DNAH5: variants seen among roughly 807,000 people sequenced by gnomAD.
DNAH5 encodes the protein dynein axonemal heavy chain 5, also known as axonemal beta dynein heavy chain 5.
DNAH5 carries 372 observed loss-of-function variants against 518.2 expected under a neutral mutation model. That is an observed-to-expected ratio of 0.72 (90% CI 0.66 to 0.78). The LOEUF (loss-of-function observed/expected upper bound fraction) is 0.78, where lower values mean the gene tolerates loss of function less well. DNAH5 is among the 30% of genes least tolerant of loss of function. The probability of loss-of-function intolerance (pLI) is 0.00; values close to 1 mark genes in which losing one functional copy is unlikely to be tolerated. For synonymous variants in DNAH5, 2,039 were observed against 2,025.9 expected (o/e 1.01, Z -0.17); for missense variants, 5,523 against 5,687.0 (o/e 0.97, Z 0.93).
chr5:13,754,781 G>T (rs370713121), intron 61 of DNAH5, among the ~76,000 whole-genome samples: 4 of 151,990 alleles, frequency 2.6e-5, no homozygotes, highest in African/African-American at 7.2e-5. Context: ...CAGGTGATCC[G>T]CCAACCTAAG....
chr5:13,915,396 G>A (rs1426679757), intron 9 of DNAH5, among the ~76,000 whole-genome samples: 2 of 152,010 alleles, frequency 1.3e-5, no homozygotes, highest in Admixed American at 1.3e-4. Flanking sequence ...TAGATAAATG[G>A]TGGTTTCATT....
chr5:13,998,268 G>C (rs929983384), intron 1 of DNAH5, among the ~76,000 whole-genome samples: 2 of 152,124 alleles, frequency 1.3e-5, no homozygotes, highest in African/African-American at 4.8e-5. Context: ...ATAGTGGAAG[G>C]GCTGATGGGA....
chr5:13,833,600 G>A (rs16902796), intron 35 of DNAH5, among the ~76,000 whole-genome samples: 22,260 of 152,124 alleles, frequency 0.15, 1,709 homozygotes, highest in Admixed American at 0.19. Context: ...AATGAGGGAG[G>A]TTAGGTGTCT....
At chr5:13,760,687 G>C (rs996117044) in intron 60 of DNAH5, among the ~76,000 whole-genome samples, 2 of 152,176 alleles carry the variant, frequency 1.3e-5, no homozygotes, top group Admixed American at 6.5e-5. Context: ...ATTGCAAGAT[G>C]AAAGATAACA....
At chr5:13,984,534 T>C (rs1341703480) in intron 1 of DNAH5, among the ~76,000 whole-genome samples, 1 of 152,228 alleles carries the variant, frequency 6.6e-6, no homozygotes, top group Admixed American at 6.5e-5. Context: ...TTCTCCTGCC[T>C]GATTGCCCTG....
chr5:13,842,367 C>T (rs900806368), intron 32 of DNAH5, among the ~76,000 whole-genome samples: 4 of 144,966 alleles, frequency 2.8e-5, no homozygotes, highest in Admixed American at 2.1e-4. Flanking sequence ...GCAACAAGAG[C>T]GAGACTCCGT....
intron 42 of DNAH5, among the ~76,000 whole-genome samples, chr5:13,816,218 G>C (rs1761427452): frequency 6.6e-6 from 1 of 152,208 alleles, no homozygotes; most frequent in African/African-American, 2.4e-5. Context: ...CTTGACAGCA[G>C]TCATACGAGG....
At position 13,886,433 on chromosome 5, in the gene DNAH5, A is replaced by G. The variant is rs543500168; in HGVS notation, c.2578-304T>C. The stretch of plus-strand genomic sequence containing the variant: ...TCTCTACTCGTCACATTTCCTTCAT[A>G]TCACATAAATCGGATCCAGCCACCC... On this transcript the variant is annotated intron_variant, in intron 17 of 78. Transcript: ENST00000265104. Among the ~76,000 whole-genome samples, 5 of 152,330 alleles carry G rather than the reference A, an allele frequency of 3.3e-5. No individual in the cohort carries two copies. The South Asian group carries it at 8.3e-4, about 25-fold the overall frequency.
At chr5:13,722,630 A>T (rs1467920785) in intron 70 of DNAH5, among the ~76,000 whole-genome samples, 1 of 152,216 alleles carries the variant, frequency 6.6e-6, no homozygotes, top group Non-Finnish European at 1.5e-5. Context: ...CCAGGTAAAG[A>T]GTGTCTGAAA....
intron 12 of DNAH5, among the ~76,000 whole-genome samples, chr5:13,902,423 G>A (rs1561538578): frequency 6.6e-6 from 1 of 152,196 alleles, no homozygotes; most frequent in Non-Finnish European, 1.5e-5. Context: ...AATATGGGGA[G>A]ATGGGCTATG....
chr5:13,734,811 C>T (rs138654310), intron 68 of DNAH5, among the ~76,000 whole-genome samples: 1 of 152,216 alleles, frequency 6.6e-6, no homozygotes, highest in African/African-American at 2.4e-5. Context: ...CTCTGTTTTC[C>T]ATAGGACTTA....
chr5:13,740,501 G>C (rs142998879), intron 65 of DNAH5, among the ~76,000 whole-genome samples: 19 of 152,156 alleles, frequency 1.2e-4, no homozygotes, highest in African/African-American at 2.7e-4. Flanking sequence ...CTCTAGCCAC[G>C]TTTGCTATTT....
At chr5:14,002,502 G>A (rs925865144) in intron 1 of DNAH5, among the ~76,000 whole-genome samples, 10 of 150,802 alleles carry the variant, frequency 6.6e-5, no homozygotes, top group Non-Finnish European at 1.0e-4. Flanking sequence ...TAACTTCAAC[G>A]AGAAAAAAAA....
rs1396433480 is a variant in DNAH5, at chr5:13,923,422, C to T, written c.296G>A (p.Gly99Glu). 1.2e-6 allele frequency: 2 copies of T among 1,613,988 alleles called. No homozygotes were observed. Among genetic ancestry groups the T allele is most frequent in the South Asian group, 1.1e-5 (1 of 91,092 alleles). Residue 99 changes from glycine (G) to glutamate (E), a missense_variant, in exon 4 of 79, where the codon GGA (glycine) becomes GAA (glutamate). Coordinates refer to ENST00000265104, the MANE Select transcript of DNAH5 (RefSeq NM_001369.3). ...EAETGQLGSL[G>E]GVNLVSGKIK... ...CTTTCCAGAAACAAGATTTACCCCT[C>T]CTAGAGAGCCAAGTTGTCCTACAAA...
chr5:13,865,381 A>T (rs924319569), intron 27 of DNAH5, among the ~76,000 whole-genome samples: 2 of 152,194 alleles, frequency 1.3e-5, no homozygotes, highest in African/African-American at 2.4e-5. Flanking sequence ...ATCTGACATT[A>T]ACTTCAAATG....
At chr5:13,791,935 A>T in intron 50 of DNAH5, 59 bp downstream of exon 50, 1 of 1,381,762 alleles carries the variant, frequency 7.2e-7, no homozygotes. Context: ...CAATAAAAAT[A>T]TTTAGAATAT....
intron 65 of DNAH5, among the ~76,000 whole-genome samples, chr5:13,748,817 A>G (rs1749791331): frequency 6.6e-6 from 1 of 152,154 alleles, no homozygotes; most frequent in Non-Finnish European, 1.5e-5. Context: ...CAATCATGTC[A>G]TCTGCAAACA....
chr5:13,811,544 CT>C, intron 44 of DNAH5, 102 bp downstream of exon 44: 1 of 1,151,292 alleles, frequency 8.7e-7, no homozygotes, highest in Admixed American at 1.8e-5. Context: ...ATAGTACTCT[CT>C]GTATAGCATG....
intron 68 of DNAH5, 145 bp from the exon 69 acceptor site, chr5:13,729,705 T>C: frequency 2.7e-6 from 2 of 734,736 alleles, no homozygotes; most frequent in Non-Finnish European, 4.3e-6. Context: ...GTGAGAAACA[T>C]GCAACATTTA....
Sources: gnomAD v4.1 joint callset for allele counts (sites outside exome capture counted in the v4.1 genomes callset) on GRCh38, gnomAD v4.1.1 for gene constraint, MANE v1.5 for transcripts, NCBI Gene and HGNC (gene_info 2026-07-23, HGNC 2026-07-21) for gene names.